The following GRIN2A variants were observed in gnomAD, a reference collection of about 807,000 sequenced individuals.
The protein encoded by GRIN2A is glutamate ionotropic receptor NMDA type subunit 2A.
Under a neutral mutation model 113.4 loss-of-function variants are expected in GRIN2A, and 22 were observed. That is an observed-to-expected ratio of 0.19 (90% CI 0.14 to 0.28). GRIN2A has a LOEUF of 0.28. Among genes scored for constraint, GRIN2A ranks in the 10% least tolerant of loss-of-function variants. GRIN2A has a pLI of 1.00. For synonymous variants in GRIN2A, 827 were observed against 738.4 expected, an observed-to-expected ratio of 1.12 and a Z score of -1.94; for missense variants, 1,502 against 1,887.0, an observed-to-expected ratio of 0.80 and a Z score of 3.78.
intron 10 of GRIN2A, among the ~76,000 whole-genome samples, chr16:9,821,021 CG>C (rs2042273476): frequency 6.6e-6 from 1 of 152,068 alleles, no homozygotes; most frequent in African/African-American, 2.4e-5. Context: ...CCAAAACTAC[CG>C]GGATTTCTAT....
chr16:10,093,817 G>T (rs780485117), intron 2 of GRIN2A, among the ~76,000 whole-genome samples: 1 of 152,174 alleles, frequency 6.6e-6, no homozygotes, highest in African/African-American at 2.4e-5. Flanking sequence ...AGGGAGACGT[G>T]CCAGTGTGCC....
rs186461430 is a variant in GRIN2A at position 10,150,461 on chromosome 16, T to G, written c.414+29537A>C. Reference sequence around the variant, plus strand: ...AGGAGAAAAACAAAACCAGGTCTATTTTAAGATCTATTTGTTTTTAAAGTC... The same window carrying G: ...AGGAGAAAAACAAAACCAGGTCTATGTTAAGATCTATTTGTTTTTAAAGTC... On this transcript the variant is annotated intron_variant, in intron 2 of 12. Transcript: ENST00000330684. 6.4e-4 allele frequency among the ~76,000 whole-genome samples: 97 copies of G among 152,250 alleles called. 1 individual carries two copies. Among genetic ancestry groups the G allele is most frequent in the Admixed American group, 2.5e-3 (38 of 15,308 alleles).
chr16:9,818,561 G>T (rs2042226673), intron 10 of GRIN2A, among the ~76,000 whole-genome samples: 2 of 150,682 alleles, frequency 1.3e-5, no homozygotes, highest in South Asian at 2.1e-4. Flanking sequence ...ATCACAAAAG[G>T]CTCATCTGTC....
intron 2 of GRIN2A, among the ~76,000 whole-genome samples, chr16:10,128,561 C>T (rs1022762603): frequency 2.0e-5 from 3 of 152,156 alleles, no homozygotes; most frequent in Non-Finnish European, 4.4e-5. Flanking sequence ...CTCCTGCCAC[C>T]CCACTCTTCT....
Position 9,795,148 on chromosome 16 carries a change from C to T in GRIN2A, c.2356+3129G>A, listed in dbSNP as rs114326133. Among the ~76,000 whole-genome samples the T allele has an allele frequency of 7.1e-3, 1,078 of 152,136 alleles. 17 individuals carry two copies. Among genetic ancestry groups the T allele is most frequent in the African/African-American group, 0.024 (1,016 of 41,488 alleles). On this transcript the variant is annotated intron_variant, in intron 11 of 12. Coordinates refer to ENST00000330684, the MANE Select transcript of GRIN2A (RefSeq NM_001134407.3). Reference sequence around the variant, plus strand: ...AGGCTGAGACCTACTGGGCTGCATTCGTAAATGGCTTAAGGCATTCTAAGT... The same window carrying T: ...AGGCTGAGACCTACTGGGCTGCATTTGTAAATGGCTTAAGGCATTCTAAGT...
intron 2 of GRIN2A, among the ~76,000 whole-genome samples, chr16:10,102,360 A>G (rs2048416483): frequency 6.6e-6 from 1 of 152,094 alleles, no homozygotes; most frequent in South Asian, 2.1e-4. Flanking sequence ...GTCTTTCACC[A>G]TGCGATATGC....
chr16:10,167,728 A>C (rs1333068309), intron 2 of GRIN2A, among the ~76,000 whole-genome samples: 1 of 152,200 alleles, frequency 6.6e-6, no homozygotes, highest in Non-Finnish European at 1.5e-5. Context: ...ATCTATTTCA[A>C]AGTTTAAAAA....
intron 2 of GRIN2A, among the ~76,000 whole-genome samples, chr16:10,109,682 G>A (rs12931150): frequency 0.66 from 99,389 of 150,286 alleles, 33,931 homozygotes; most frequent in Admixed American, 0.75. Context: ...TTTAATAAAT[G>A]GCACAACAGT....
intron 11 of GRIN2A, among the ~76,000 whole-genome samples, chr16:9,776,719 C>T (rs913701382): frequency 3.3e-5 from 5 of 151,972 alleles, no homozygotes; most frequent in East Asian, 1.9e-4. Flanking sequence ...CTGTGAACAC[C>T]GAGAGGGTAA....
rs1256632995 is a variant in GRIN2A at position 9,758,507 on chromosome 16, G to A, written c.*4642C>T. Reference sequence around the variant, plus strand: ...CCTCCCATAAAAATAACCAGAATGGGTTTTCCATGTGTTAATACCATCATC... The same window carrying A: ...CCTCCCATAAAAATAACCAGAATGGATTTTCCATGTGTTAATACCATCATC... On this transcript the variant is annotated 3_prime_UTR_variant, in exon 13 of 13. Coordinates refer to ENST00000330684, the MANE Select transcript of GRIN2A (RefSeq NM_001134407.3). The A allele has an allele frequency of 4.7e-6, 1 of 214,734 alleles. No homozygotes were observed. Among genetic ancestry groups the A allele is most frequent in the African/African-American group, 2.3e-5 (1 of 44,286 alleles). 13.3% of individuals were successfully genotyped at this position (214,734 alleles called of 1,614,324 possible).
At chr16:9,848,573 G>A (rs1193644191) in intron 5 of GRIN2A, among the ~76,000 whole-genome samples, 1 of 148,990 alleles carries the variant, frequency 6.7e-6, no homozygotes, top group Non-Finnish European at 1.5e-5. Context: ...TATAAAATAT[G>A]ATGTTTTACA....
rs114524941 is a variant in GRIN2A at position 10,137,425 on chromosome 16, A to G, written c.414+42573T>C. On this transcript the variant is annotated intron_variant, in intron 2 of 12. Transcript: ENST00000330684. ...TATTTTCTCCATCTTAGTTTGAGCC[A>G]TATCACCCACACCTGGAGGTCTGCA... Among the ~76,000 whole-genome samples the G allele has an allele frequency of 3.7e-3, 557 of 152,296 alleles. 6 individuals are homozygous for G. Among genetic ancestry groups the G allele is most frequent in the African/African-American group, 0.013 (534 of 41,568 alleles).
intron 10 of GRIN2A, among the ~76,000 whole-genome samples, chr16:9,812,742 A>AT (rs2042110263): frequency 6.6e-6 from 1 of 152,246 alleles, no homozygotes; most frequent in East Asian, 1.9e-4. Flanking sequence ...GTCCAAAGCA[A>AT]TTCAGGTAGC....
intron 2 of GRIN2A, among the ~76,000 whole-genome samples, chr16:9,993,164 C>T (rs532473461): frequency 1.3e-5 from 2 of 152,042 alleles, no homozygotes; most frequent in Non-Finnish European, 2.9e-5. Context: ...ACCCTAGAGG[C>T]AGAGGTTGCA....
At chr16:9,941,353 T>A (rs779228748) in intron 2 of GRIN2A, among the ~76,000 whole-genome samples, 16 of 152,178 alleles carry the variant, frequency 1.1e-4, no homozygotes, top group Non-Finnish European at 1.8e-4. Context: ...AGCACACGCA[T>A]CTTATCTGGT....
At position 9,755,705 on chromosome 16, in the gene GRIN2A, C is replaced by G. The variant is rs1900323523; in HGVS notation, c.*7444G>C. ...AAGGCAGTGTGTGCTCAGGGGCATG[C>G]CTGCAGGATATGTTAAACATTAGGC... On this transcript the variant is annotated 3_prime_UTR_variant, in exon 13 of 13. Coordinates refer to ENST00000330684, the MANE Select transcript of GRIN2A (RefSeq NM_001134407.3). 1 of 208,370 alleles carries G rather than the reference C, an allele frequency of 4.8e-6. No individual in the cohort carries two copies. The highest frequency in any genetic ancestry group is 5.9e-5 in the Admixed American group (1 of 16,870). 12.9% of individuals were successfully genotyped at this position (208,370 alleles called of 1,614,324 possible). A position where few individuals can be genotyped will look rare whatever the true frequency, so the allele number is the denominator to read the frequency against.
chr16:10,101,655 C>G (rs769589863), intron 2 of GRIN2A, among the ~76,000 whole-genome samples: 6 of 152,190 alleles, frequency 3.9e-5, no homozygotes, highest in African/African-American at 1.4e-4. Flanking sequence ...AAACTTGGGA[C>G]AAGAGCCTAA....
intron 4 of GRIN2A, among the ~76,000 whole-genome samples, chr16:9,869,440 A>G (rs753435938): frequency 4.6e-5 from 7 of 152,200 alleles, no homozygotes; most frequent in Non-Finnish European, 1.0e-4. Flanking sequence ...CTCTAAATAA[A>G]TAAAACAGAC....
intron 2 of GRIN2A, among the ~76,000 whole-genome samples, chr16:10,092,215 G>T (rs926541527): frequency 6.6e-6 from 1 of 152,124 alleles, no homozygotes; most frequent in Non-Finnish European, 1.5e-5. Context: ...ACAATATTTA[G>T]GAATAATTTT....
Sources: gnomAD v4.1 joint callset for allele counts (sites outside exome capture counted in the v4.1 genomes callset) on GRCh38, gnomAD v4.1.1 for gene constraint, MANE v1.5 for transcripts, NCBI Gene and HGNC (gene_info 2026-07-23, HGNC 2026-07-21) for gene names.